The following PTCD3 variants were observed in gnomAD, a reference collection of about 807,000 sequenced individuals.
The protein encoded by PTCD3 is pentatricopeptide repeat domain 3.
PTCD3 carries 89 observed loss-of-function variants against 101.9 expected under a neutral mutation model. That is an observed-to-expected ratio of 0.87 (90% CI 0.74 to 1.04). The LOEUF (loss-of-function observed/expected upper bound fraction) is 1.04, where lower values mean the gene tolerates loss of function less well. Among genes scored for constraint, PTCD3 ranks in the 50% least tolerant of loss-of-function variants. The pLI is 0.00. For synonymous variants in PTCD3, 296 were observed against 278.5 expected (o/e 1.06, Z -0.63); for missense variants, 870 against 828.2 (o/e 1.05, Z -0.62).
chr2:86,111,023 A>T, intron 3 of PTCD3, 90 bp from the exon 4 acceptor site: 1 of 1,151,200 alleles, frequency 8.7e-7, no homozygotes, highest in Non-Finnish European at 1.3e-6. Flanking sequence ...GCACTATGTT[A>T]TTGGCCAGTA....
chr2:86,125,712 A>C, intron 11 of PTCD3, 83 bp from the exon 12 acceptor site: 1 of 1,123,974 alleles, frequency 8.9e-7, no homozygotes, highest in Non-Finnish European at 1.3e-6. Flanking sequence ...CAAGGGACAC[A>C]TAGGAATGAC....
intron 4 of PTCD3, among the ~76,000 whole-genome samples, chr2:86,114,652 A>T (rs1449641192): frequency 6.6e-6 from 1 of 152,198 alleles, no homozygotes; most frequent in Non-Finnish European, 1.5e-5. Context: ...TTTCTTTGCC[A>T]TCTCATTAAT....
At chr2:86,114,472 TAG>T (rs1674146118) in intron 4 of PTCD3, among the ~76,000 whole-genome samples, 1 of 152,070 alleles carries the variant, frequency 6.6e-6, no homozygotes, top group South Asian at 2.1e-4. Flanking sequence ...GTATTTTTAG[TAG>T]AGACGGAGTT....
At position 86,109,054 on chromosome 2, in the gene PTCD3, C is replaced by T. The variant is rs549083369; in HGVS notation, c.194+518C>T. ...ACAAAAGTGCTTGTTACAGTGTAGT[C>T]CTATTGAACGCATTTAGTGGCCCCT... On this transcript the variant is annotated intron_variant, in intron 3 of 23. Coordinates refer to ENST00000254630, the MANE Select transcript of PTCD3 (RefSeq NM_017952.6). The T allele has an allele frequency of 7.2e-5, 11 of 152,436 alleles. No homozygotes were observed. In the East Asian group the frequency reaches 2.1e-3, roughly 29 times the overall value. The allele number at this position is 152,436 out of a possible 1,614,324, so 9.4% of individuals were successfully genotyped here.
At position 86,138,692 on chromosome 2, in the gene PTCD3, C is replaced by T. The variant is rs1162518181; in HGVS notation, c.*1133C>T. On this transcript the variant is annotated 3_prime_UTR_variant, in exon 24 of 24. Coordinates refer to ENST00000254630, the MANE Select transcript of PTCD3 (RefSeq NM_017952.6). ...ATTGAGGGACAAAAAAAAAAAAAGC[C>T]GATATAGTAGCTAGCTACTTAAGCA... The T allele has an allele frequency of 6.8e-6, 1 of 147,904 alleles. No individual in the cohort carries two copies. Among genetic ancestry groups the T allele is most frequent in the Non-Finnish European group, 1.5e-5 (1 of 67,280 alleles). The allele number at this position is 147,904 out of a possible 1,614,324, so 9.2% of individuals were successfully genotyped here.
At chr2:86,106,682 C>G (rs146869730) in intron 1 of PTCD3, among the ~76,000 whole-genome samples, 3 of 152,306 alleles carry the variant, frequency 2.0e-5, no homozygotes, top group East Asian at 1.9e-4. Flanking sequence ...CGCCATTACT[C>G]ATTTTAACCC....
chr2:86,108,067 A>G (rs989676220), intron 1 of PTCD3, among the ~76,000 whole-genome samples: 1 of 151,934 alleles, frequency 6.6e-6, no homozygotes, highest in Non-Finnish European at 1.5e-5. Context: ...TCAAGGGTTC[A>G]GTGAGCTATA....
In PTCD3 at chr2:86,139,400, TGG is replaced by T. The variant is rs1045975378; in HGVS notation, c.*1843_*1844del. The T allele has an allele frequency of 5.9e-5, 9 of 151,984 alleles. No individual in the cohort carries two copies. Among genetic ancestry groups the T allele is most frequent in the African/African-American group, 1.7e-4 (7 of 41,334 alleles). The allele number at this position is 151,984 out of a possible 1,614,324, so 9.4% of individuals were successfully genotyped here. ...GTCCCAGCTAATTGGGAGGGTGAGT[TGG>T]GAGGATTGTTTGAGCCTAGGAGAGG... On this transcript the variant is annotated 3_prime_UTR_variant, in exon 24 of 24. Transcript: ENST00000254630.
chr2:86,127,402 T>A, intron 13 of PTCD3, 97 bp downstream of exon 13: 1 of 1,376,144 alleles, frequency 7.3e-7, no homozygotes, highest in Non-Finnish European at 9.9e-7. Context: ...TTCTTGTGCT[T>A]ACATAATATG....
At chr2:86,108,621 C>A in intron 3 of PTCD3, 85 bp downstream of exon 3, 2 of 1,300,742 alleles carry the variant, frequency 1.5e-6, no homozygotes, top group South Asian at 1.5e-5. Flanking sequence ...GAGACAGTGA[C>A]AGGAAGAGCA....
chr2:86,110,546 C>T (rs1023178283), intron 3 of PTCD3, among the ~76,000 whole-genome samples: 25 of 152,194 alleles, frequency 1.6e-4, no homozygotes, highest in African/African-American at 6.0e-4. Context: ...AAGGTCTCTA[C>T]TCAGAGGTGC....
rs75287818 is a variant in PTCD3 at position 86,131,714 on chromosome 2, A to C, written c.1267-604A>C. Among the ~76,000 whole-genome samples the C allele has an allele frequency of 6.8e-3, 1,031 of 152,356 alleles. 14 individuals carry two copies. Among genetic ancestry groups the C allele is most frequent in the African/African-American group, 0.023 (956 of 41,582 alleles). On this transcript the variant is annotated intron_variant, in intron 16 of 23. Coordinates refer to ENST00000254630, the MANE Select transcript of PTCD3 (RefSeq NM_017952.6). Reference sequence around the variant, plus strand: ...AAAAATTTCAGGCAGTTTTAGGATGAACCTTGTTCCCTAAGGGTAATTTAA... The same window carrying C: ...AAAAATTTCAGGCAGTTTTAGGATGCACCTTGTTCCCTAAGGGTAATTTAA...
Position 86,139,694 on chromosome 2 carries a change from T to G in PTCD3, c.*2135T>G, listed in dbSNP as rs1011646334. On this transcript the variant is annotated 3_prime_UTR_variant, in exon 24 of 24. Transcript: ENST00000254630. ...GGTGCATGCCTGTAATCCCAGCTAC[T>G]CTGGAGACAGGTGGAGGGGATTGCT... is the stretch of plus-strand genomic sequence containing the variant. 1 of 151,958 alleles carries G rather than the reference T, an allele frequency of 6.6e-6. No individual in the cohort carries two copies. Among genetic ancestry groups the G allele is most frequent in the Admixed American group, 6.6e-5 (1 of 15,226 alleles). 9.4% of individuals were successfully genotyped at this position (151,958 alleles called of 1,614,324 possible).
intron 16 of PTCD3, among the ~76,000 whole-genome samples, chr2:86,131,500 G>C (rs1239227164): frequency 2.0e-5 from 3 of 152,190 alleles, no homozygotes; most frequent in Non-Finnish European, 4.4e-5. Context: ...ACAGGCCTGA[G>C]CCAACGCGCC....
At chr2:86,125,586 A>G in intron 11 of PTCD3, 71 bp downstream of exon 11, 1 of 1,453,676 alleles carries the variant, frequency 6.9e-7, no homozygotes, top group South Asian at 1.1e-5. Context: ...AAGGCTTTGG[A>G]TCGTGCCTCA....
rs767050023 is a variant in PTCD3, at chr2:86,140,172, G to A, written c.*2613G>A. 11 of 146,734 alleles carry A rather than the reference G, an allele frequency of 7.5e-5. No homozygotes were observed. Among genetic ancestry groups the A allele is most frequent in the Non-Finnish European group, 7.4e-5 (5 of 67,286 alleles). 9.1% of individuals were successfully genotyped at this position (146,734 alleles called of 1,614,324 possible). A position where few individuals can be genotyped will look rare whatever the true frequency, so the allele number is the denominator to read the frequency against. On this transcript the variant is annotated 3_prime_UTR_variant, in exon 24 of 24. Transcript: ENST00000254630. The stretch of plus-strand genomic sequence containing the variant: ...ATGACCGCCTAAGAAACAGAACTTC[G>A]AGAAGTCCTAACGTAACCACAGTAA...
At chr2:86,107,388 G>C (rs1220596701) in intron 1 of PTCD3, among the ~76,000 whole-genome samples, 1 of 152,196 alleles carries the variant, frequency 6.6e-6, no homozygotes, top group East Asian at 1.9e-4. Flanking sequence ...TAACGTAGAG[G>C]GGTATTCTTG....
intron 1 of PTCD3, 100 bp from the exon 2 acceptor site, chr2:86,108,250 C>T (rs1453426294): frequency 5.0e-5 from 66 of 1,326,058 alleles, no homozygotes; most frequent in South Asian, 4.2e-4. Context: ...CAGTTTAATC[C>T]GTGATAATTG....
intron 9 of PTCD3, among the ~76,000 whole-genome samples, chr2:86,124,350 C>T (rs997506580): frequency 9.2e-5 from 14 of 152,176 alleles, no homozygotes; most frequent in African/African-American, 3.1e-4. Context: ...GTAGGCTGGA[C>T]GCAGTGCCTC....
Sources: gnomAD v4.1 joint callset for allele counts (sites outside exome capture counted in the v4.1 genomes callset) on GRCh38, gnomAD v4.1.1 for gene constraint, MANE v1.5 for transcripts, NCBI Gene and HGNC (gene_info 2026-07-23, HGNC 2026-07-21) for gene names.